The following LRRC4C variants were observed in gnomAD, a reference collection of about 807,000 sequenced individuals.
LRRC4C encodes the protein leucine-rich repeat-containing protein 4C.
Under a neutral mutation model 33.6 loss-of-function variants are expected in LRRC4C, and 5 were observed. The ratio of observed to expected loss-of-function variants is 0.15; its 90% confidence interval spans 0.08 to 0.31. The LOEUF is 0.31. Ranked by LOEUF, LRRC4C falls within the 10% of genes least tolerant of loss-of-function variation. The pLI is 1.00. For synonymous variants in LRRC4C, 329 were observed against 302.0 expected (o/e 1.09, Z -0.93); for missense variants, 560 against 796.7 (o/e 0.70, Z 3.58).
chr11:41,077,660 G>T (rs963800574), intron 1 of LRRC4C, among the ~76,000 whole-genome samples: 1 of 152,178 alleles, frequency 6.6e-6, no homozygotes, highest in African/African-American at 2.4e-5. Context: ...GGGAGGGGCT[G>T]CTGTGAAGAA....
intron 3 of LRRC4C, among the ~76,000 whole-genome samples, chr11:40,587,344 G>A (rs2135704685): frequency 7.0e-6 from 1 of 143,434 alleles, no homozygotes; most frequent in South Asian, 2.4e-4. Flanking sequence ...AGACTTTGCT[G>A]AAGTTGCTTA....
chr11:40,888,794 G>A (rs1323551139), intron 2 of LRRC4C, among the ~76,000 whole-genome samples: 1 of 151,876 alleles, frequency 6.6e-6, no homozygotes, highest in Non-Finnish European at 1.5e-5. Context: ...GTTCTCATGT[G>A]TACATTTATG....
chr11:40,766,637 T>C (rs757573277), intron 2 of LRRC4C, among the ~76,000 whole-genome samples: 16 of 152,074 alleles, frequency 1.1e-4, no homozygotes, highest in African/African-American at 2.7e-4. Context: ...GTAGAGTATG[T>C]ATTAGATTTC....
intron 2 of LRRC4C, among the ~76,000 whole-genome samples, chr11:40,711,275 C>T (rs1417514044): frequency 6.6e-6 from 1 of 152,180 alleles, no homozygotes; most frequent in African/African-American, 2.4e-5. Context: ...TCTTCTGCAT[C>T]AATCACACTG....
At chr11:41,408,756 A>AAAAACAAACAAAC (rs1555167142) in intron 1 of LRRC4C, among the ~76,000 whole-genome samples, 3 of 140,742 alleles carry the variant, frequency 2.1e-5, no homozygotes, top group African/African-American at 6.4e-5. Flanking sequence ...GTAAAAAAAA[A>AAAAACAAACAAAC]AAAAAAAAAA....
At chr11:41,085,843 A>C (rs1237249274) in intron 1 of LRRC4C, among the ~76,000 whole-genome samples, 1 of 151,522 alleles carries the variant, frequency 6.6e-6, no homozygotes, top group Non-Finnish European at 1.5e-5. Flanking sequence ...GATAACTGGC[A>C]ATCTCAATAC....
chr11:41,140,658 G>A (rs1447740097), intron 1 of LRRC4C, among the ~76,000 whole-genome samples: 3 of 152,116 alleles, frequency 2.0e-5, no homozygotes, highest in African/African-American at 4.8e-5. Context: ...TCCCCACATC[G>A]GGTTCTTCCC....
intron 6 of LRRC4C, among the ~76,000 whole-genome samples, chr11:40,138,117 A>G (rs2134925503): frequency 6.6e-6 from 1 of 152,036 alleles, no homozygotes; most frequent in East Asian, 1.9e-4. Context: ...TAGCCACTGT[A>G]CTGTGTAGAC....
intron 5 of LRRC4C, among the ~76,000 whole-genome samples, chr11:40,199,719 T>TA (rs1206028093): frequency 7.2e-5 from 11 of 152,118 alleles, no homozygotes; most frequent in Non-Finnish European, 1.6e-4. Flanking sequence ...TGATTATATA[T>TA]TTTTTTAATT....
intron 1 of LRRC4C, among the ~76,000 whole-genome samples, chr11:41,270,450 G>A (rs1949283907): frequency 6.6e-6 from 1 of 152,120 alleles, no homozygotes. Flanking sequence ...TTCAGAGTCT[G>A]CTCAGCCTTC....
intron 1 of LRRC4C, among the ~76,000 whole-genome samples, chr11:41,356,449 C>T (rs574062942): frequency 6.6e-6 from 1 of 152,260 alleles, no homozygotes; most frequent in East Asian, 1.9e-4. Context: ...GCCCTAATCA[C>T]CATCTTACCA....
intron 3 of LRRC4C, among the ~76,000 whole-genome samples, chr11:40,482,450 T>C (rs2138417386): frequency 6.6e-6 from 1 of 151,414 alleles, no homozygotes; most frequent in South Asian, 2.1e-4. Flanking sequence ...AAACATCAAT[T>C]ACAGGAATTT....
chr11:40,611,186 T>A (rs567811347), intron 3 of LRRC4C, among the ~76,000 whole-genome samples: 3 of 151,882 alleles, frequency 2.0e-5, no homozygotes, highest in South Asian at 4.1e-4. Context: ...CATATACCGA[T>A]GAAACAGAAT....
chr11:40,434,348 G>A (rs181133244), intron 3 of LRRC4C, among the ~76,000 whole-genome samples: 48 of 152,250 alleles, frequency 3.2e-4, no homozygotes, highest in Non-Finnish European at 5.1e-4. Flanking sequence ...AGGGTGTTAC[G>A]GGAGGGCGAG....
intron 3 of LRRC4C, among the ~76,000 whole-genome samples, chr11:40,350,761 C>G (rs187732630): frequency 6.6e-6 from 1 of 152,070 alleles, no homozygotes; most frequent in East Asian, 1.9e-4. Context: ...GTGTTCTCTT[C>G]AAGTTCGTGC....
chr11:40,385,525 A>G (rs2137395026), intron 3 of LRRC4C, among the ~76,000 whole-genome samples: 1 of 152,228 alleles, frequency 6.6e-6, no homozygotes, highest in East Asian at 1.9e-4. Context: ...AACAACAGAC[A>G]TTGAAGACTA....
At chr11:41,231,870 C>A (rs1947817417) in intron 1 of LRRC4C, among the ~76,000 whole-genome samples, 1 of 151,480 alleles carries the variant, frequency 6.6e-6, no homozygotes, top group African/African-American at 2.4e-5. Context: ...CTAGTCCATA[C>A]TTTTGAATCC....
At chr11:40,214,709 A>C (rs1204935697) in intron 5 of LRRC4C, among the ~76,000 whole-genome samples, 1 of 152,160 alleles carries the variant, frequency 6.6e-6, no homozygotes, top group African/African-American at 2.4e-5. Flanking sequence ...CTGTGCTGGC[A>C]TCCTGATCCC....
At chr11:40,242,154 G>A (rs1947357) in intron 4 of LRRC4C, among the ~76,000 whole-genome samples, 63 of 152,110 alleles carry the variant, frequency 4.1e-4, no homozygotes, top group Non-Finnish European at 6.0e-4. Context: ...TTAATCAGCC[G>A]TCTGGACTTC....
Sources: gnomAD v4.1 joint callset for allele counts (sites outside exome capture counted in the v4.1 genomes callset) on GRCh38, gnomAD v4.1.1 for gene constraint, MANE v1.5 for transcripts, NCBI Gene and HGNC (gene_info 2026-07-23, HGNC 2026-07-21) for gene names.